The following AGPS variants were observed in gnomAD, a reference collection of about 807,000 sequenced individuals.
The protein encoded by AGPS is alkyldihydroxyacetonephosphate synthase, peroxisomal.
In AGPS, 26 loss-of-function variants were observed where a neutral mutation model predicts 90.7. The ratio of observed to expected loss-of-function variants is 0.29; its 90% CI spans 0.21 to 0.40. The LOEUF is 0.40. Ranked by LOEUF, AGPS falls within the 10% of genes least tolerant of loss-of-function variation. The pLI, the probability that AGPS is intolerant of heterozygous loss-of-function variation, is 1.00. For missense variants in AGPS, 540 were observed against 816.1 expected, an observed-to-expected ratio of 0.66 and a Z score of 4.12; for synonymous variants, 294 against 285.3, an observed-to-expected ratio of 1.03 and a Z score of -0.31.
At chr2:177,478,893 G>T (rs772330096) in intron 10 of AGPS, among the ~76,000 whole-genome samples, 3 of 151,602 alleles carry the variant, frequency 2.0e-5, no homozygotes, top group Non-Finnish European at 4.4e-5. Context: ...TATATCTCTA[G>T]TGAATCTACC....
intron 11 of AGPS, among the ~76,000 whole-genome samples, chr2:177,492,237 A>G (rs889444989): frequency 1.3e-5 from 2 of 152,254 alleles, no homozygotes; most frequent in African/African-American, 4.8e-5. Context: ...TATGAATGAC[A>G]GAGTGGCTGT....
intron 11 of AGPS, among the ~76,000 whole-genome samples, chr2:177,482,863 C>T (rs575865374): frequency 3.3e-5 from 5 of 152,048 alleles, no homozygotes; most frequent in African/African-American, 4.8e-5. Context: ...GAAATTTCTA[C>T]GTCTCTCTCG....
At chr2:177,434,073 T>C (rs1243278836) in intron 2 of AGPS, among the ~76,000 whole-genome samples, 2 of 152,318 alleles carry the variant, frequency 1.3e-5, no homozygotes, top group Non-Finnish European at 2.9e-5. Flanking sequence ...TGGAAACTTA[T>C]GAACTTATGT....
At chr2:177,515,996 A>C (rs969897760) in intron 17 of AGPS, among the ~76,000 whole-genome samples, 1 of 152,140 alleles carries the variant, frequency 6.6e-6, no homozygotes, top group Non-Finnish European at 1.5e-5. Context: ...TGTATTTTTT[A>C]AACCAGTTTT....
chr2:177,405,008 G>A (rs939480566), intron 1 of AGPS, among the ~76,000 whole-genome samples: 3 of 152,210 alleles, frequency 2.0e-5, no homozygotes, highest in African/African-American at 7.2e-5. Flanking sequence ...TAAGAGTACA[G>A]GGGTGCCAAA....
At chr2:177,472,575 G>A (rs140699012) in intron 10 of AGPS, among the ~76,000 whole-genome samples, 20 of 152,066 alleles carry the variant, frequency 1.3e-4, no homozygotes, top group Middle Eastern at 3.4e-3. Flanking sequence ...GTTTTTATTG[G>A]CGTTTTCTGA....
In AGPS at chr2:177,513,809, CT is replaced by C; in HGVS notation, c.1608-3del. 14 of 1,597,056 alleles carry C rather than the reference CT, an allele frequency of 8.8e-6. No homozygotes were observed. Among genetic ancestry groups the C allele is most frequent in the Non-Finnish European group, 1.2e-5 (14 of 1,164,898 alleles). Reference sequence around the variant, plus strand: ...AAAACTTAATATTGTATTCATTTATCTTTTTTTAGGGTGGTAGATCTCTGTA... The same window carrying C: ...AAAACTTAATATTGTATTCATTTATCTTTTTTAGGGTGGTAGATCTCTGTA... On this transcript the variant is annotated splice_polypyrimidine_tract_variant and intron_variant, in intron 16 of 19. Coordinates refer to ENST00000264167, the MANE Select transcript of AGPS (RefSeq NM_003659.4).
intron 8 of AGPS, among the ~76,000 whole-genome samples, chr2:177,454,921 C>G (rs925610304): frequency 1.3e-5 from 2 of 152,190 alleles, no homozygotes; most frequent in South Asian, 2.1e-4. Flanking sequence ...GCACTATTCT[C>G]TAATCTACTG....
At chr2:177,505,164 G>A (rs546070227) in intron 14 of AGPS, among the ~76,000 whole-genome samples, 57 of 151,998 alleles carry the variant, frequency 3.8e-4, no homozygotes, top group African/African-American at 1.2e-3. Context: ...GTTCCTAGTC[G>A]TCACATTTCT....
intron 11 of AGPS, among the ~76,000 whole-genome samples, chr2:177,482,872 C>T (rs1237070208): frequency 6.6e-6 from 1 of 152,016 alleles, no homozygotes; most frequent in Admixed American, 6.6e-5. Context: ...ACGTCTCTCT[C>T]GGCATTTGGT....
At chr2:177,455,417 C>T (rs1172190667) in intron 8 of AGPS, among the ~76,000 whole-genome samples, 2 of 152,220 alleles carry the variant, frequency 1.3e-5, no homozygotes, top group South Asian at 2.1e-4. Context: ...ATAGGATCAC[C>T]GTCCTTCCTG....
In AGPS at chr2:177,405,837, T is replaced by G. The variant is rs550770474; in HGVS notation, c.260+12788T>G. Among the ~76,000 whole-genome samples, 20 of 35,412 alleles carry G rather than the reference T, an allele frequency of 5.6e-4. No individual in the cohort carries two copies. In the Admixed American group the frequency reaches 6.9e-3, roughly 12 times the overall value. The allele number at this position is 35,412 out of a possible 152,430, so 23.2% of individuals were successfully genotyped here. ...TGAACTGTAATAGCTTTTACCACTG[T>G]TGGGGGAACTTTAAGTTATTATCTC... On this transcript the variant is annotated intron_variant, in intron 1 of 19. Transcript: ENST00000264167.
chr2:177,487,541 T>A (rs1338358317), intron 11 of AGPS, among the ~76,000 whole-genome samples: 1 of 152,198 alleles, frequency 6.6e-6, no homozygotes, highest in Non-Finnish European at 1.5e-5. Context: ...TGTTCTGTTT[T>A]AAACTTAATT....
intron 19 of AGPS, among the ~76,000 whole-genome samples, 158 bp from the exon 20 acceptor site, chr2:177,537,916 G>C (rs2079198465): frequency 6.6e-6 from 1 of 152,100 alleles, no homozygotes. Flanking sequence ...TAATGAGCTT[G>C]ATAGTCTGGT....
chr2:177,517,361 TC>T (rs1471879070), intron 17 of AGPS, among the ~76,000 whole-genome samples: 3 of 152,146 alleles, frequency 2.0e-5, no homozygotes, highest in African/African-American at 7.2e-5. Context: ...CTATTTGTTT[TC>T]CAAAGGCTTA....
At chr2:177,433,384 C>CT (rs895603378) in intron 2 of AGPS, among the ~76,000 whole-genome samples, 4 of 152,074 alleles carry the variant, frequency 2.6e-5, no homozygotes, top group African/African-American at 9.7e-5. Flanking sequence ...CTGTTGTGTT[C>CT]TTTTTTATAG....
intron 1 of AGPS, among the ~76,000 whole-genome samples, chr2:177,408,380 T>C (rs573786903): frequency 1.1e-4 from 16 of 152,348 alleles, no homozygotes; most frequent in African/African-American, 3.8e-4. Flanking sequence ...AATAATTGTT[T>C]TAATTTTTAT....
chr2:177,433,082 A>C (rs1686291207), intron 2 of AGPS, among the ~76,000 whole-genome samples: 1 of 152,218 alleles, frequency 6.6e-6, no homozygotes, highest in Non-Finnish European at 1.5e-5. Flanking sequence ...TTGGTGTCCA[A>C]ACTACAGGAC....
At chr2:177,533,887 A>G (rs2079160814) in intron 19 of AGPS, among the ~76,000 whole-genome samples, 1 of 152,238 alleles carries the variant, frequency 6.6e-6, no homozygotes, top group Non-Finnish European at 1.5e-5. Context: ...AGAGATATCC[A>G]GGATACTCAA....
Sources: allele counts gnomAD v4.1 joint callset (sites outside exome capture counted in the v4.1 genomes callset), GRCh38; gene constraint gnomAD v4.1.1; transcripts MANE v1.5; gene names NCBI Gene and HGNC (gene_info 2026-07-23, HGNC 2026-07-21).